The following PRPSAP1 variants were observed in gnomAD, a reference collection of about 807,000 sequenced individuals.
PRPSAP1 encodes the protein phosphoribosyl pyrophosphate synthetase associated protein 1.
PRPSAP1 carries 31 observed loss-of-function variants against 39.4 expected under a neutral mutation model. That is an observed-to-expected ratio of 0.79 (90% confidence interval 0.59 to 1.06). The LOEUF (loss-of-function observed/expected upper bound fraction) is 1.06. PRPSAP1 is among the 50% of genes least tolerant of loss of function. The pLI, the probability that PRPSAP1 is intolerant of heterozygous loss-of-function variation, is 0.00. For missense variants in PRPSAP1, 430 were observed against 511.6 expected (o/e 0.84, Z 1.54); for synonymous variants, 212 against 192.6 (o/e 1.10, Z -0.83).
intron 7 of PRPSAP1, among the ~76,000 whole-genome samples, chr17:76,325,366 G>GCCA (rs2071244408): frequency 9.3e-6 from 1 of 107,232 alleles, no homozygotes; most frequent in Non-Finnish European, 1.7e-5. Context: ...CTGAGATCGC[G>GCCA]CCACTGCACT....
chr17:76,350,299 C>T (rs975602253), intron 1 of PRPSAP1, among the ~76,000 whole-genome samples: 15 of 151,420 alleles, frequency 9.9e-5, no homozygotes, highest in Middle Eastern at 3.4e-3. Context: ...ATTAGCCGGG[C>T]GTGGTGGAGG....
At chr17:76,321,798 G>A (rs2071201359) in intron 7 of PRPSAP1, among the ~76,000 whole-genome samples, 1 of 152,132 alleles carries the variant, frequency 6.6e-6, no homozygotes, top group Non-Finnish European at 1.5e-5. Context: ...GGCTGTGAAT[G>A]CAAAGGAAAA....
chr17:76,345,388 A>C (rs1322451274), intron 2 of PRPSAP1, among the ~76,000 whole-genome samples: 1 of 151,682 alleles, frequency 6.6e-6, no homozygotes, highest in Non-Finnish European at 1.5e-5. Context: ...AATCACTTGA[A>C]CCTGGGAGGC....
intron 7 of PRPSAP1, among the ~76,000 whole-genome samples, chr17:76,323,318 G>C (rs2071217734): frequency 6.7e-6 from 1 of 149,364 alleles, no homozygotes; most frequent in Admixed American, 6.7e-5. Flanking sequence ...CTCCAGCCTG[G>C]GTGACAGAGC....
chr17:76,340,383 C>T (rs1178354657), intron 3 of PRPSAP1, among the ~76,000 whole-genome samples: 2 of 151,724 alleles, frequency 1.3e-5, no homozygotes, highest in Non-Finnish European at 2.9e-5. Context: ...CTTCTTTTGT[C>T]CCTTCCCTGG....
chr17:76,327,553 T>C (rs930013389), intron 7 of PRPSAP1, among the ~76,000 whole-genome samples: 11 of 151,834 alleles, frequency 7.2e-5, no homozygotes, highest in Non-Finnish European at 1.5e-4. Context: ...CTGGAGAGGC[T>C]GAGGCAGGAG....
At chr17:76,341,126 C>A (rs1598536975) in intron 3 of PRPSAP1, among the ~76,000 whole-genome samples, 1 of 152,168 alleles carries the variant, frequency 6.6e-6, no homozygotes, top group Non-Finnish European at 1.5e-5. Context: ...AGGAGAACTG[C>A]TCTGATCATG....
chr17:76,347,213 G>A (rs34492523), intron 2 of PRPSAP1, among the ~76,000 whole-genome samples: 2 of 151,886 alleles, frequency 1.3e-5, no homozygotes, highest in Admixed American at 6.6e-5. Context: ...TGGGCCGGGC[G>A]CGGTGGCTCA....
intron 7 of PRPSAP1, among the ~76,000 whole-genome samples, chr17:76,322,840 G>C (rs765294013): frequency 6.6e-6 from 1 of 151,986 alleles, no homozygotes; most frequent in Non-Finnish European, 1.5e-5. Flanking sequence ...ACAAAAATTA[G>C]TCAGGTGTGG....
At position 76,311,457 on chromosome 17, in the gene PRPSAP1, C is replaced by T; in HGVS notation, c.*85G>A. 1 of 1,446,802 alleles carries T rather than the reference C, an allele frequency of 6.9e-7. No homozygotes were observed. The highest frequency in any genetic ancestry group is 9.3e-7 in the Non-Finnish European group (1 of 1,076,116). 89.6% of individuals were successfully genotyped at this position (1,446,802 alleles called of 1,614,324 possible). A position where few individuals can be genotyped will look rare whatever the true frequency, so the allele number is the denominator to read the frequency against. ...TAACTCCAGGCTGTTTCGAGTCCTCCCTTGCAAGGAAACACTGTATCACTC... is the reference window on the plus strand; with the variant it reads ...TAACTCCAGGCTGTTTCGAGTCCTCTCTTGCAAGGAAACACTGTATCACTC... On this transcript the variant is annotated 3_prime_UTR_variant, in exon 10 of 10. Transcript: ENST00000446526.
intron 3 of PRPSAP1, among the ~76,000 whole-genome samples, chr17:76,338,501 G>C (rs1250880160): frequency 6.6e-6 from 1 of 151,722 alleles, no homozygotes; most frequent in Non-Finnish European, 1.5e-5. Flanking sequence ...TCAGGAGTTC[G>C]AGACCAGCCT....
At chr17:76,330,389 A>G (rs898187820) in intron 5 of PRPSAP1, 162 bp downstream of exon 5, 4 of 629,546 alleles carry the variant, frequency 6.4e-6, no homozygotes, top group Non-Finnish European at 1.1e-5. Context: ...TTTTAAAGCT[A>G]TGATCGTCCA....
At chr17:76,329,388 A>C (rs1390216976) in intron 6 of PRPSAP1, among the ~76,000 whole-genome samples, 4 of 152,124 alleles carry the variant, frequency 2.6e-5, no homozygotes, top group Non-Finnish European at 5.9e-5. Flanking sequence ...TTTTGATTCT[A>C]TCCTTTGTCC....
intron 7 of PRPSAP1, among the ~76,000 whole-genome samples, chr17:76,327,329 C>T (rs2071265225): frequency 7.1e-6 from 1 of 141,834 alleles, no homozygotes; most frequent in Admixed American, 7.2e-5. Context: ...GCCTGGGCGA[C>T]AGAACGAGTT....
In PRPSAP1 at chr17:76,318,146, T is replaced by C. The variant is rs115765404; in HGVS notation, c.782-4255A>G. Among the ~76,000 whole-genome samples, 880 of 152,172 alleles carry C rather than the reference T, an allele frequency of 5.8e-3. 7 individuals carry two copies. Among genetic ancestry groups the C allele is most frequent in the African/African-American group, 0.02 (834 of 41,526 alleles). On this transcript the variant is annotated intron_variant, in intron 7 of 9. Transcript: ENST00000446526. Reference sequence around the variant, plus strand: ...GCAAAACTCACCCATGGGCAAGAAGTAGTGCTCTAAAGAATGGGTTTGGCC... The same window carrying C: ...GCAAAACTCACCCATGGGCAAGAAGCAGTGCTCTAAAGAATGGGTTTGGCC...
intron 3 of PRPSAP1, chr17:76,337,524 C>T (rs114646510): frequency 6.6e-6 from 1 of 152,472 alleles, no homozygotes; most frequent in African/African-American, 2.4e-5. Flanking sequence ...AGAGAAACCA[C>T]ACCACAGCTG....
At chr17:76,314,615 C>A in intron 7 of PRPSAP1, 1 of 152,508 alleles carries the variant, frequency 6.6e-6, no homozygotes, top group Non-Finnish European at 1.5e-5. Context: ...AACAATCCTC[C>A]TACCTCAGCC....
intron 7 of PRPSAP1, among the ~76,000 whole-genome samples, chr17:76,322,256 C>T (rs183370765): frequency 1.3e-5 from 2 of 151,986 alleles, no homozygotes; most frequent in South Asian, 2.1e-4. Context: ...ATTAGCCAGG[C>T]GTGGTGGTGT....
chr17:76,344,831 G>A, intron 2 of PRPSAP1, 94 bp from the exon 3 acceptor site: 1 of 871,118 alleles, frequency 1.1e-6, no homozygotes, highest in African/African-American at 1.7e-5. Flanking sequence ...CGGGCGCGGT[G>A]GCACATGCCT....
Sources: allele counts gnomAD v4.1 joint callset (sites outside exome capture counted in the v4.1 genomes callset), GRCh38; gene constraint gnomAD v4.1.1; transcripts MANE v1.5; gene names NCBI Gene and HGNC (gene_info 2026-07-23, HGNC 2026-07-21).